The following STK11IP variants were observed in gnomAD, a reference collection of about 807,000 sequenced individuals.
STK11IP encodes the protein serine/threonine kinase 11 interacting protein.
Under a neutral mutation model 131.7 loss-of-function variants are expected in STK11IP, and 103 were observed. The ratio of observed to expected loss-of-function variants is 0.78; its 90% confidence interval spans 0.67 to 0.92. STK11IP has a LOEUF of 0.92. Among genes scored for constraint, STK11IP ranks in the 40% least tolerant of loss-of-function variants. The probability of loss-of-function intolerance (pLI) is 0.00; values close to 1 mark genes in which losing one functional copy is unlikely to be tolerated. For synonymous variants in STK11IP, 557 were observed against 575.6 expected (o/e 0.97, Z 0.46); for missense variants, 1,315 against 1,385.7 (o/e 0.95, Z 0.81).
chr2:219,615,643 A>G, intron 24 of STK11IP: 1 of 651,194 alleles, frequency 1.5e-6, no homozygotes, highest in Non-Finnish European at 2.9e-6. Context: ...GGCCGGTTGT[A>G]TGCCAGCCGT....
In STK11IP at chr2:219,597,900, A is replaced by T. The variant is rs749155739; in HGVS notation, c.-50A>T. The T allele has an allele frequency of 3.7e-6, 6 of 1,611,070 alleles. No individual in the cohort carries two copies. The highest frequency in any genetic ancestry group is 5.1e-6 in the Non-Finnish European group (6 of 1,178,686). On this transcript the variant is annotated 5_prime_UTR_variant, in exon 1 of 25. Coordinates refer to ENST00000456909, the MANE Select transcript of STK11IP (RefSeq NM_052902.4). ...ATAGGCGCCGGGCAGCTGAGCTGGT[A>T]GGAGGACCAGACGGGGAGGTTCGGT...
At chr2:219,614,350 G>T in intron 22 of STK11IP, 108 bp downstream of exon 22, 1 of 1,521,066 alleles carries the variant, frequency 6.6e-7, no homozygotes. Flanking sequence ...CTGTCCTCAT[G>T]CCATGCCCCT....
Position 219,616,291 on chromosome 2 carries a change from G to T in STK11IP, c.*98G>T, listed in dbSNP as rs1698566967. The stretch of plus-strand genomic sequence containing the variant: ...TGGCTTCCAGGCTCTGGCTGTGGAT[G>T]TCTTCAGCCTCTGGGTGCTGGCCAG... On this transcript the variant is annotated 3_prime_UTR_variant, in exon 25 of 25. Coordinates refer to ENST00000456909, the MANE Select transcript of STK11IP (RefSeq NM_052902.4). 6.9e-7 allele frequency: 1 copy of T among 1,439,712 alleles called. No homozygotes were observed. 89.2% of individuals were successfully genotyped at this position (1,439,712 alleles called of 1,614,324 possible).
At chr2:219,599,926 C>T (rs562328017) in intron 2 of STK11IP, among the ~76,000 whole-genome samples, 9 of 151,764 alleles carry the variant, frequency 5.9e-5, no homozygotes, top group South Asian at 4.2e-4. Context: ...TTAGTAGAGA[C>T]GGGGTTTCAC....
In STK11IP at chr2:219,614,202, A is replaced by G; in HGVS notation, c.2758A>G (p.Ser920Gly). ...SLPPAWRNCVSATEEEVTPQH... is the reference protein window; with the variant it reads ...SLPPAWRNCVGATEEEVTPQH... ...GCCCCCTGCCTGGAGGAACTGTGTC[A>G]GTGCCACAGAGGAGGAGGTCACCCC... Residue 920 changes from serine (S) to glycine (G), a missense_variant, in exon 22 of 25, where the codon AGT (serine) becomes GGT (glycine). Ser to Gly is a moderately conservative substitution (Grantham distance 56, BLOSUM62 0). Coordinates refer to ENST00000456909, the MANE Select transcript of STK11IP (RefSeq NM_052902.4). 6.2e-7 allele frequency: 1 copy of G among 1,613,470 alleles called. No homozygotes were observed. The highest frequency in any genetic ancestry group is 8.5e-7 in the Non-Finnish European group (1 of 1,179,746).
chr2:219,601,482 A>G (rs1220665120), intron 3 of STK11IP, 42 bp downstream of exon 3: 2 of 1,604,154 alleles, frequency 1.2e-6, no homozygotes, highest in Admixed American at 1.7e-5. Flanking sequence ...AAGGAGCCCA[A>G]GAGAATGATG....
Position 219,611,765 on chromosome 2 carries a change from G to T in STK11IP, c.2266G>T (p.Asp756Tyr), listed in dbSNP as rs765620317. The change falls in exon 18 of 25, where the codon GAC (aspartate) becomes TAC (tyrosine). Residue 756 changes from aspartate (D) to tyrosine (Y), a missense_variant. Asp to Tyr is a radical substitution (Grantham distance 160). Coordinates refer to ENST00000456909, the MANE Select transcript of STK11IP (RefSeq NM_052902.4). ...CCCTCCTGGCCATGGTGACCACCTT[G>T]ACAGGGCCAAGAACAGCCCACCTCA... ...CHPPGHGDHL[D>Y]RAKNSPPQAP... The T allele has an allele frequency of 1.2e-6, 2 of 1,612,948 alleles. No individual in the cohort carries two copies. The highest frequency in any genetic ancestry group is 1.7e-6 in the Non-Finnish European group (2 of 1,179,878).
At chr2:219,599,036 C>T (rs1697892649) in intron 2 of STK11IP, among the ~76,000 whole-genome samples, 1 of 152,206 alleles carries the variant, frequency 6.6e-6, no homozygotes. Flanking sequence ...TCCATCACTC[C>T]ATGCTCCTAT....
intron 17 of STK11IP, among the ~76,000 whole-genome samples, chr2:219,610,777 C>G (rs1277891903): frequency 6.6e-6 from 1 of 152,160 alleles, no homozygotes; most frequent in Non-Finnish European, 1.5e-5. Flanking sequence ...GGTGCTGTTA[C>G]GCTATTTAAA....
At chr2:219,615,635 C>T in intron 24 of STK11IP, 1 of 654,302 alleles carries the variant, frequency 1.5e-6, no homozygotes, top group Non-Finnish European at 2.9e-6. Context: ...CAGGATTGGG[C>T]CGGTTGTATG....
intron 22 of STK11IP, 117 bp downstream of exon 22, chr2:219,614,359 C>T (rs1225325757): frequency 1.3e-6 from 2 of 1,509,918 alleles, no homozygotes; most frequent in African/African-American, 2.8e-5. Context: ...TGCCATGCCC[C>T]TTATGGGCCC....
chr2:219,612,341 C>T (rs1698425756), intron 19 of STK11IP, among the ~76,000 whole-genome samples: 1 of 152,188 alleles, frequency 6.6e-6, no homozygotes, highest in Non-Finnish European at 1.5e-5. Flanking sequence ...ATCAATGGGG[C>T]CTCCTAGCAT....
At chr2:219,605,574 G>A (rs769531955) in intron 7 of STK11IP, 34 bp from the exon 8 acceptor site, 81 of 1,550,524 alleles carry the variant, frequency 5.2e-5, no homozygotes, top group East Asian at 1.2e-4. Context: ...TTTGGTCAAC[G>A]AGATAATCTT....
intron 7 of STK11IP, among the ~76,000 whole-genome samples, chr2:219,603,486 A>C (rs1378227879): frequency 6.6e-6 from 1 of 152,056 alleles, no homozygotes; most frequent in Admixed American, 6.6e-5. Flanking sequence ...GTCAGAGATA[A>C]AGCCGAACTA....
chr2:219,599,546 G>A (rs996665993), intron 2 of STK11IP, among the ~76,000 whole-genome samples: 2 of 152,194 alleles, frequency 1.3e-5, no homozygotes, highest in African/African-American at 4.8e-5. Context: ...AATCCTTCAT[G>A]TCAGGTTGTA....
At chr2:219,614,889 G>C (rs999616839) in intron 23 of STK11IP, 7 of 648,754 alleles carry the variant, frequency 1.1e-5, no homozygotes, top group South Asian at 1.9e-5. Flanking sequence ...TGGGGCAGTG[G>C]GGGGCGGTAG....
In STK11IP at chr2:219,606,821, G is replaced by T. The variant is rs1437405179; in HGVS notation, c.1097G>T (p.Gly366Val). The change falls in exon 12 of 25, where the codon GGG (glycine) becomes GTG (valine). Residue 366 changes from glycine to valine, a missense_variant. By Grantham distance (109) the Gly-to-Val change is moderately radical. Coordinates refer to ENST00000456909, the MANE Select transcript of STK11IP (RefSeq NM_052902.4). The stretch of plus-strand genomic sequence containing the variant: ...GACCTGAGTGACAGCCTCTCCTCAG[G>T]GGGTGTTGTGACCCAGCCCCTGCTT... ...GPDLSDSLSS[G>V]GVVTQPLLHK... 1 of 1,613,366 alleles carries T rather than the reference G, an allele frequency of 6.2e-7. No homozygotes were observed. The highest frequency in any genetic ancestry group is 1.3e-5 in the African/African-American group (1 of 74,932).
At chr2:219,606,343 C>G (rs751274882) in intron 10 of STK11IP, 53 bp downstream of exon 10, 1 of 1,546,520 alleles carries the variant, frequency 6.5e-7, no homozygotes, top group Admixed American at 2.0e-5. Flanking sequence ...CCAGTCCTCC[C>G]CCACCTTGCA....
At position 219,612,043 on chromosome 2, in the gene STK11IP, C is replaced by A. The variant is rs1698415877; in HGVS notation, c.2424C>A (p.Phe808Leu). ...TGTTCAGCGATGCCCAGGAGGAGTT[C>A]CAGTGCTGCCTCAAGGTCTGTGCTC... ...VEVFSDAQEE[F>L]QCCLKVPVAL... The change falls in exon 19 of 25, where the codon TTC becomes TTA. Residue 808 changes from phenylalanine (F) to leucine (L), a missense_variant. Phe to Leu is a conservative substitution (Grantham distance 22). Coordinates refer to ENST00000456909, the MANE Select transcript of STK11IP (RefSeq NM_052902.4). The A allele has an allele frequency of 6.2e-7, 1 of 1,602,466 alleles. No individual in the cohort carries two copies. The highest frequency in any genetic ancestry group is 8.5e-7 in the Non-Finnish European group (1 of 1,175,226).
Sources: gnomAD v4.1 joint callset for allele counts (sites outside exome capture counted in the v4.1 genomes callset) on GRCh38, gnomAD v4.1.1 for gene constraint, MANE v1.5 for transcripts, NCBI Gene and HGNC (gene_info 2026-07-23, HGNC 2026-07-21) for gene names.